The following NALF1 variants were observed in gnomAD, a reference collection of about 807,000 sequenced individuals.
NALF1 encodes the protein NALCN channel auxiliary factor 1, also known as family with sequence similarity 155 member A.
In NALF1, 3 loss-of-function variants were observed where a neutral mutation model predicts 48.4. That is an observed-to-expected ratio of 0.06 (90% CI 0.03 to 0.16). The LOEUF (loss-of-function observed/expected upper bound fraction) is 0.16, where lower values mean the gene tolerates loss of function less well. Among genes scored for constraint, NALF1 ranks in the 10% least tolerant of loss-of-function variants. NALF1 has a pLI of 1.00. For missense variants in NALF1, 526 were observed against 571.5 expected (o/e 0.92, Z 0.81); for synonymous variants, 262 against 245.7 (o/e 1.07, Z -0.62).
At chr13:107,447,283 A>G (rs1020155606) in intron 1 of NALF1, among the ~76,000 whole-genome samples, 2 of 151,674 alleles carry the variant, frequency 1.3e-5, no homozygotes, top group East Asian at 3.9e-4. Flanking sequence ...CAGCAAGATC[A>G]CTCGATAATC....
chr13:107,174,986 C>T (rs1878890711), intron 2 of NALF1, among the ~76,000 whole-genome samples: 1 of 148,468 alleles, frequency 6.7e-6, no homozygotes, highest in South Asian at 2.2e-4. Flanking sequence ...CGGGTTCACG[C>T]CATTCTCCTG....
At chr13:107,419,815 T>C (rs774769454) in intron 1 of NALF1, among the ~76,000 whole-genome samples, 5 of 152,208 alleles carry the variant, frequency 3.3e-5, no homozygotes, top group South Asian at 2.1e-4. Flanking sequence ...TCTCTGACAG[T>C]GCAAAATAGT....
chr13:107,789,094 T>A (rs1010859280), intron 1 of NALF1: 1 of 152,102 alleles, frequency 6.6e-6, no homozygotes, highest in African/African-American at 2.4e-5. Context: ...GTGGAGTGGA[T>A]CACAGGCTTA....
chr13:107,398,711 C>A (rs1489868199), intron 1 of NALF1, among the ~76,000 whole-genome samples: 1 of 152,106 alleles, frequency 6.6e-6, no homozygotes, highest in Non-Finnish European at 1.5e-5. Context: ...TCTCTCAACA[C>A]ACAGCACAAT....
intron 1 of NALF1, among the ~76,000 whole-genome samples, chr13:107,764,615 T>C (rs1877371786): frequency 6.6e-6 from 1 of 152,128 alleles, no homozygotes; most frequent in African/African-American, 2.4e-5. Flanking sequence ...AACCAGCACA[T>C]ACAAATTCCT....
At chr13:107,172,931 C>A (rs1315330395) in intron 2 of NALF1, among the ~76,000 whole-genome samples, 2 of 152,044 alleles carry the variant, frequency 1.3e-5, no homozygotes, top group East Asian at 3.9e-4. Context: ...ATAAATGAAC[C>A]CTTCTTTTTG....
intron 1 of NALF1, among the ~76,000 whole-genome samples, chr13:107,505,931 C>T (rs1359138): frequency 0.6 from 91,218 of 151,922 alleles, 30,484 homozygotes; most frequent in Middle Eastern, 0.77. Context: ...TGGTTTGCCT[C>T]GTGACAGATA....
chr13:107,562,776 T>C (rs1877685140), intron 1 of NALF1, among the ~76,000 whole-genome samples: 1 of 152,224 alleles, frequency 6.6e-6, no homozygotes, highest in Non-Finnish European at 1.5e-5. Flanking sequence ...AATGTGGTTC[T>C]TAACATGAAG....
intron 1 of NALF1, among the ~76,000 whole-genome samples, chr13:107,398,330 C>A: frequency 6.7e-6 from 1 of 149,362 alleles, no homozygotes; most frequent in African/African-American, 2.5e-5. Context: ...CAAATAAAGG[C>A]GATATGGAAT....
chr13:107,661,081 T>C (rs1880724964), intron 1 of NALF1, among the ~76,000 whole-genome samples: 1 of 152,200 alleles, frequency 6.6e-6, no homozygotes, highest in South Asian at 2.1e-4. Context: ...AGGAGCGGGA[T>C]TGGAGCACCT....
At chr13:107,239,883 G>A (rs1454185526) in intron 1 of NALF1, among the ~76,000 whole-genome samples, 2 of 152,276 alleles carry the variant, frequency 1.3e-5, no homozygotes, top group Non-Finnish European at 2.9e-5. Context: ...GAAGCAGGGA[G>A]AAAGCCACCT....
chr13:107,339,096 T>C (rs1050962467), intron 1 of NALF1, among the ~76,000 whole-genome samples: 9 of 138,830 alleles, frequency 6.5e-5, no homozygotes, highest in Non-Finnish European at 4.5e-5. Flanking sequence ...ATTGTGCCAC[T>C]GCACTCCAGC....
chr13:107,629,102 A>T (rs953783276), intron 1 of NALF1, among the ~76,000 whole-genome samples: 2 of 152,190 alleles, frequency 1.3e-5, no homozygotes, highest in Admixed American at 1.3e-4. Context: ...TAAATTTCAT[A>T]AGACTAATGT....
At chr13:107,465,315 A>T (rs1174811953) in intron 1 of NALF1, among the ~76,000 whole-genome samples, 2 of 7,898 alleles carry the variant, frequency 2.5e-4, no homozygotes, top group African/African-American at 7.9e-4. Flanking sequence ...CTGTATAATT[A>T]TATATATATA....
chr13:107,226,249 G>A (rs1034290863), intron 1 of NALF1, among the ~76,000 whole-genome samples: 2 of 151,864 alleles, frequency 1.3e-5, no homozygotes, highest in South Asian at 2.1e-4. Context: ...GGAAGGAGGC[G>A]GTCAGAAAAC....
At chr13:107,672,272 T>G (rs959460517) in intron 1 of NALF1, among the ~76,000 whole-genome samples, 1 of 152,196 alleles carries the variant, frequency 6.6e-6, no homozygotes, top group Non-Finnish European at 1.5e-5. Context: ...GATTGACTAT[T>G]ATAGCTATTA....
At chr13:107,181,191 T>C (rs1295935509) in intron 2 of NALF1, among the ~76,000 whole-genome samples, 3 of 151,622 alleles carry the variant, frequency 2.0e-5, no homozygotes, top group Non-Finnish European at 3.0e-5. Context: ...TTCTGTTTGT[T>C]AGTGAATTGG....
At chr13:107,836,084 T>C (rs1346246914) in intron 1 of NALF1, among the ~76,000 whole-genome samples, 1 of 152,068 alleles carries the variant, frequency 6.6e-6, no homozygotes, top group Non-Finnish European at 1.5e-5. Context: ...CTCTGCCTCC[T>C]GACTCAAGCG....
chr13:107,490,929 C>T (rs73594740), intron 1 of NALF1, among the ~76,000 whole-genome samples: 2 of 152,096 alleles, frequency 1.3e-5, no homozygotes, highest in African/African-American at 4.8e-5. Context: ...GACACCTGTG[C>T]CCCTAACCCA....
Sources: gnomAD v4.1 joint callset for allele counts (sites outside exome capture counted in the v4.1 genomes callset) on GRCh38, gnomAD v4.1.1 for gene constraint, MANE v1.5 for transcripts, NCBI Gene and HGNC (gene_info 2026-07-23, HGNC 2026-07-21) for gene names.